Variants in NKD1 observed in about 807,000 individuals in gnomAD.
NKD1 encodes NKD inhibitor of Wnt signaling pathway 1.
Under a neutral mutation model 56.0 loss-of-function variants are expected in NKD1, and 21 were observed. The observed-to-expected ratio is 0.38, with a 90% CI of 0.27 to 0.54. The LOEUF is 0.54. Among genes scored for constraint, NKD1 ranks in the 20% least tolerant of loss-of-function variants. The pLI is 0.82. For missense variants in NKD1, 578 were observed against 642.7 expected, an observed-to-expected ratio of 0.90 and a Z score of 1.09; for synonymous variants, 263 against 265.7, an observed-to-expected ratio of 0.99 and a Z score of 0.10.
At chr16:50,618,396 G>C (rs1220411181) in intron 4 of NKD1, among the ~76,000 whole-genome samples, 2 of 152,198 alleles carry the variant, frequency 1.3e-5, no homozygotes, top group South Asian at 4.1e-4. Context: ...GGCCTGGGTG[G>C]CCTGCAGCGA....
intron 3 of NKD1, chr16:50,558,711 TA>T (rs1960556023): frequency 2.6e-5 from 1 of 37,872 alleles, no homozygotes; most frequent in East Asian, 5.0e-4. Context: ...CCGTCTCTGC[TA>T]AAAATACAAA....
intron 3 of NKD1, chr16:50,570,936 G>T: frequency 1.0e-6 from 1 of 985,472 alleles, no homozygotes; most frequent in Non-Finnish European, 1.2e-6. Flanking sequence ...CCCTGTGCCA[G>T]GCACAGGGAG....
chr16:50,595,470 G>C (rs1204548822), intron 3 of NKD1, among the ~76,000 whole-genome samples: 2 of 152,122 alleles, frequency 1.3e-5, no homozygotes, highest in Non-Finnish European at 2.9e-5. Flanking sequence ...TGGTGGTCCT[G>C]GTGGAAATGT....
rs974968989 is a variant in NKD1 at position 50,633,611 on chromosome 16, G to T, written c.1243G>T (p.Gly415Cys). Reference protein sequence around the residue: ...RAKESQQGCRGLQAPLASGGP... With the variant: ...RAKESQQGCRCLQAPLASGGP... ...CAAGGAGAGCCAGCAGGGCTGCCGGGGCCTGCAGGCACCACTGGCCTCAGG... is the reference window on the plus strand; with the variant it reads ...CAAGGAGAGCCAGCAGGGCTGCCGGTGCCTGCAGGCACCACTGGCCTCAGG... Residue 415 changes from glycine (G) to cysteine (C), a missense_variant, in exon 10 of 10, where the codon GGC (glycine) becomes TGC (cysteine). By Grantham distance (159) the Gly-to-Cys change is radical. Coordinates refer to ENST00000268459, the MANE Select transcript of NKD1 (RefSeq NM_033119.5). The surrounding 1 kb of genome is among the most constrained non-coding windows in gnomAD (Gnocchi z 4.9). 6.2e-7 allele frequency: 1 copy of T among 1,610,392 alleles called. No individual in the cohort carries two copies. Among genetic ancestry groups the T allele is most frequent in the Admixed American group, 1.7e-5 (1 of 59,744 alleles).
intron 4 of NKD1, among the ~76,000 whole-genome samples, chr16:50,610,970 C>T (rs1961833498): frequency 6.6e-6 from 1 of 152,174 alleles, no homozygotes; most frequent in African/African-American, 2.4e-5. Context: ...GACCCCTCCT[C>T]AGCTGACCCA....
intron 3 of NKD1, chr16:50,571,101 G>A (rs765031814): frequency 2.1e-5 from 14 of 656,476 alleles, no homozygotes; most frequent in Non-Finnish European, 2.6e-5. Flanking sequence ...AAGTGGAGGG[G>A]AAGGAGGGGC....
At chr16:50,564,195 G>C (rs1435410795) in intron 3 of NKD1, among the ~76,000 whole-genome samples, 1 of 152,242 alleles carries the variant, frequency 6.6e-6, no homozygotes, top group African/African-American at 2.4e-5. Flanking sequence ...GGCCATGGTG[G>C]GGAATGATCA....
chr16:50,596,847 G>A (rs1961482827), intron 3 of NKD1, among the ~76,000 whole-genome samples: 1 of 152,244 alleles, frequency 6.6e-6, no homozygotes, highest in African/African-American at 2.4e-5. Flanking sequence ...ACCTGAAGGA[G>A]GGGCAGGAGG....
At chr16:50,628,798 T>C (rs1240423266) in intron 6 of NKD1, among the ~76,000 whole-genome samples, 1 of 152,164 alleles carries the variant, frequency 6.6e-6, no homozygotes, top group Admixed American at 6.5e-5. Context: ...ACTGGGTGGC[T>C]TAGCAGAAAT....
Position 50,636,190 on chromosome 16 carries a change from G to C in NKD1, c.*2409G>C, listed in dbSNP as rs1457859183. ...CAAGGGGGTGGGGTCTGTACCGGAA[G>C]ACAGGAGGGGAGGGGTGCAGATCGG... On this transcript the variant is annotated 3_prime_UTR_variant, in exon 10 of 10. Transcript: ENST00000268459. 6.6e-6 allele frequency: 1 copy of C among 152,168 alleles called. No homozygotes were observed. The highest frequency in any genetic ancestry group is 1.5e-5 in the Non-Finnish European group (1 of 68,058). 9.4% of individuals were successfully genotyped at this position (152,168 alleles called of 1,614,324 possible). A position where few individuals can be genotyped will look rare whatever the true frequency, so the allele number is the denominator to read the frequency against.
At chr16:50,581,261 C>T (rs1961109986) in intron 3 of NKD1, among the ~76,000 whole-genome samples, 1 of 152,192 alleles carries the variant, frequency 6.6e-6, no homozygotes, top group South Asian at 2.1e-4. Flanking sequence ...ACAATTGCTG[C>T]AACTACCCAT....
At chr16:50,613,008 G>A (rs990948573) in intron 4 of NKD1, among the ~76,000 whole-genome samples, 1 of 152,134 alleles carries the variant, frequency 6.6e-6, no homozygotes, top group African/African-American at 2.4e-5. Context: ...CTTGGGGCTG[G>A]GGAGAGGTCC....
chr16:50,634,644 T>C lies in NKD1; in HGVS notation c.*863T>C, dbSNP rs1042922954. 6.6e-6 allele frequency: 1 copy of C among 152,386 alleles called. No homozygotes were observed. The highest frequency in any genetic ancestry group is 1.5e-5 in the Non-Finnish European group (1 of 68,046). The allele number at this position is 152,386 out of a possible 1,614,324, so 9.4% of individuals were successfully genotyped here. ...ACATATATACGTACCTACACGGTTCTCTAACAGAGCTTTCTGTATCTATAG... is the reference window on the plus strand; with the variant it reads ...ACATATATACGTACCTACACGGTTCCCTAACAGAGCTTTCTGTATCTATAG... On this transcript the variant is annotated 3_prime_UTR_variant, in exon 10 of 10. Coordinates refer to ENST00000268459, the MANE Select transcript of NKD1 (RefSeq NM_033119.5).
intron 3 of NKD1, among the ~76,000 whole-genome samples, chr16:50,567,217 A>T (rs1184377844): frequency 6.6e-6 from 1 of 152,184 alleles, no homozygotes; most frequent in Non-Finnish European, 1.5e-5. Flanking sequence ...TAAATGATGA[A>T]GTAATGCATA....
At chr16:50,610,410 C>T (rs531104981) in intron 4 of NKD1, among the ~76,000 whole-genome samples, 1 of 152,276 alleles carries the variant, frequency 6.6e-6, no homozygotes, top group Admixed American at 6.5e-5. Flanking sequence ...GGTCCTGTGG[C>T]CCGAGGCCTC....
At position 50,640,736 on chromosome 16, in the gene NKD1, G is replaced by C. The variant is rs1010353951; in HGVS notation, c.*6955G>C. ...ACATTTCAAATAAAAGTCTGGGAAA[G>C]CAACACATCATCGCCAACTTTTAAT... On this transcript the variant is annotated 3_prime_UTR_variant, in exon 10 of 10. Coordinates refer to ENST00000268459, the MANE Select transcript of NKD1 (RefSeq NM_033119.5). 11 of 152,208 alleles carry C rather than the reference G, an allele frequency of 7.2e-5. No individual in the cohort carries two copies. Among genetic ancestry groups the C allele is most frequent in the African/African-American group, 2.6e-4 (11 of 41,528 alleles). The allele number at this position is 152,208 out of a possible 1,614,324, so 9.4% of individuals were successfully genotyped here.
At chr16:50,579,733 G>A (rs575849481) in intron 3 of NKD1, among the ~76,000 whole-genome samples, 5 of 145,758 alleles carry the variant, frequency 3.4e-5, no homozygotes, top group East Asian at 2.1e-4. Context: ...ACTCTAACCC[G>A]CCACGCATGC....
At chr16:50,551,196 A>C (rs1960376219) in intron 3 of NKD1, among the ~76,000 whole-genome samples, 1 of 141,084 alleles carries the variant, frequency 7.1e-6, no homozygotes, top group African/African-American at 2.6e-5. Context: ...TCCCAGCGAG[A>C]GGAATGCAGG....
chr16:50,560,644 T>C (rs1031500541), intron 3 of NKD1, among the ~76,000 whole-genome samples: 2 of 151,822 alleles, frequency 1.3e-5, no homozygotes, highest in African/African-American at 4.8e-5. Flanking sequence ...TTTTTTTTTT[T>C]CAACTGTATG....
Sources: allele counts gnomAD v4.1 joint callset (sites outside exome capture counted in the v4.1 genomes callset), GRCh38; gene constraint gnomAD v4.1.1; non-coding constraint Gnocchi (gnomAD v3.1); transcripts MANE v1.5; gene names NCBI Gene and HGNC (gene_info 2026-07-23, HGNC 2026-07-21).